Variants in CXCL13 observed in about 807,000 individuals in gnomAD.
CXCL13 encodes C-X-C motif chemokine ligand 13.
In CXCL13, 7 loss-of-function variants were observed where a neutral mutation model predicts 12.2. The ratio of observed to expected loss-of-function variants is 0.57; its 90% CI spans 0.33 to 1.07. The LOEUF is 1.07. Among genes scored for constraint, CXCL13 ranks in the 50% least tolerant of loss-of-function variants. The probability of loss-of-function intolerance (pLI) is 0.04; values close to 1 mark genes in which losing one functional copy is unlikely to be tolerated. For missense variants in CXCL13, 113 were observed against 127.4 expected (o/e 0.89, Z 0.55); for synonymous variants, 47 against 42.4 (o/e 1.11, Z -0.42).
chr4:77,578,255 T>C (rs1726238542), intron 1 of CXCL13, among the ~76,000 whole-genome samples: 1 of 152,196 alleles, frequency 6.6e-6, no homozygotes, highest in Admixed American at 6.5e-5. Context: ...CTTTAGACTA[T>C]CAAACTCCAA....
chr4:77,525,873 C>T (rs902643175), intron 1 of CXCL13, among the ~76,000 whole-genome samples: 7 of 151,036 alleles, frequency 4.6e-5, no homozygotes, highest in African/African-American at 1.5e-4. Context: ...TGAAAATTTT[C>T]CTCTAAACTT....
chr4:77,587,023 T>G (rs1726489860), intron 1 of CXCL13, among the ~76,000 whole-genome samples: 1 of 152,166 alleles, frequency 6.6e-6, no homozygotes, highest in Admixed American at 6.5e-5. Flanking sequence ...CACGGTAGCT[T>G]GGCAGTATGG....
intron 1 of CXCL13, among the ~76,000 whole-genome samples, chr4:77,519,317 C>G (rs1578032720): frequency 6.6e-6 from 1 of 152,274 alleles, no homozygotes; most frequent in Non-Finnish European, 1.5e-5. Flanking sequence ...CTGTTCTCTT[C>G]AAAGCTCAGA....
intron 1 of CXCL13, among the ~76,000 whole-genome samples, chr4:77,520,275 G>A (rs1487398200): frequency 6.6e-6 from 1 of 152,112 alleles, no homozygotes; most frequent in Non-Finnish European, 1.5e-5. Flanking sequence ...GCTTGATGGG[G>A]ATGGCATTGA....
intron 1 of CXCL13, among the ~76,000 whole-genome samples, chr4:77,544,768 A>G (rs1397677585): frequency 6.6e-6 from 1 of 152,112 alleles, no homozygotes; most frequent in Non-Finnish European, 1.5e-5. Flanking sequence ...TCATTTGTCA[A>G]TTTTGGCTTT....
At chr4:77,597,543 C>T (rs140586143) in intron 1 of CXCL13, among the ~76,000 whole-genome samples, 1 of 152,254 alleles carries the variant, frequency 6.6e-6, no homozygotes. Context: ...AAGGGGCCGC[C>T]TTTTACATTA....
chr4:77,530,075 C>A (rs868003365), intron 1 of CXCL13, among the ~76,000 whole-genome samples: 2 of 152,090 alleles, frequency 1.3e-5, no homozygotes, highest in African/African-American at 4.8e-5. Context: ...TGCTGGATTA[C>A]GTTTATTGAT....
chr4:77,565,203 C>A (rs886347662), intron 1 of CXCL13, among the ~76,000 whole-genome samples: 3 of 152,088 alleles, frequency 2.0e-5, no homozygotes, highest in Non-Finnish European at 2.9e-5. Flanking sequence ...AATTTGTTTG[C>A]AAAAAGAAGA....
intron 1 of CXCL13, among the ~76,000 whole-genome samples, chr4:77,552,473 T>A (rs577848219): frequency 6.6e-6 from 1 of 152,166 alleles, no homozygotes; most frequent in South Asian, 2.1e-4. Flanking sequence ...TACAGCTGGG[T>A]ATATGTGTGA....
chr4:77,586,446 TTAC>T (rs1405145052), intron 1 of CXCL13, among the ~76,000 whole-genome samples: 2 of 152,196 alleles, frequency 1.3e-5, no homozygotes, highest in Non-Finnish European at 2.9e-5. Flanking sequence ...TGAGCAAAGT[TTAC>T]TGCATATCTC....
chr4:77,567,295 G>T (rs552436037), intron 1 of CXCL13, among the ~76,000 whole-genome samples: 1 of 152,286 alleles, frequency 6.6e-6, no homozygotes, highest in East Asian at 1.9e-4. Flanking sequence ...CAGCCCACTT[G>T]CACCCAGGTG....
chr4:77,516,519 T>C (rs200710403), intron 1 of CXCL13, among the ~76,000 whole-genome samples: 2 of 152,230 alleles, frequency 1.3e-5, no homozygotes, highest in Non-Finnish European at 2.9e-5. Context: ...TTCAACTTCT[T>C]CCTGGTTTAG....
intron 1 of CXCL13, among the ~76,000 whole-genome samples, chr4:77,531,988 G>C (rs1578039933): frequency 1.3e-5 from 2 of 152,150 alleles, no homozygotes; most frequent in South Asian, 4.1e-4. Context: ...GACGCGTCTT[G>C]ACTCTTTATC....
At chr4:77,550,451 C>T (rs947581030) in intron 1 of CXCL13, among the ~76,000 whole-genome samples, 1 of 150,432 alleles carries the variant, frequency 6.6e-6, no homozygotes, top group South Asian at 2.1e-4. Context: ...TAGACGGGAG[C>T]TGTAGACTGG....
chr4:77,519,270 C>G (rs1724512884), intron 1 of CXCL13, among the ~76,000 whole-genome samples: 1 of 152,168 alleles, frequency 6.6e-6, no homozygotes. Context: ...GGCAGTCTGC[C>G]CGTTCTCAGA....
intron 1 of CXCL13, among the ~76,000 whole-genome samples, chr4:77,580,458 C>T (rs1406264583): frequency 1.3e-5 from 2 of 150,540 alleles, no homozygotes; most frequent in African/African-American, 4.9e-5. Context: ...TCCCAAGTAG[C>T]TGGGACTACA....
intron 1 of CXCL13, among the ~76,000 whole-genome samples, chr4:77,552,804 C>A (rs1441850773): frequency 1.3e-5 from 2 of 152,216 alleles, no homozygotes; most frequent in Non-Finnish European, 2.9e-5. Context: ...CTGCAGGTGC[C>A]TGGAGATCTG....
intron 1 of CXCL13, among the ~76,000 whole-genome samples, chr4:77,561,111 C>A (rs1725800259): frequency 6.6e-6 from 1 of 152,066 alleles, no homozygotes. Context: ...CAGATTAAAC[C>A]TTATATTTTC....
chr4:77,536,866 G>GA (rs550528815), intron 1 of CXCL13, among the ~76,000 whole-genome samples: 1 of 151,996 alleles, frequency 6.6e-6, no homozygotes, highest in Admixed American at 6.6e-5. Context: ...AGGTAAGAAG[G>GA]AAAAAAAGCT....
Sources: allele counts gnomAD v4.1 joint callset (sites outside exome capture counted in the v4.1 genomes callset), GRCh38; gene constraint gnomAD v4.1.1; transcripts MANE v1.5; gene names NCBI Gene and HGNC (gene_info 2026-07-23, HGNC 2026-07-21).